Variants in LARP4 observed in about 807,000 individuals in gnomAD.
LARP4 encodes the protein la-related protein 4.
LARP4 carries 29 observed loss-of-function variants against 92.9 expected under a neutral mutation model. The observed-to-expected ratio is 0.31, with a 90% CI of 0.23 to 0.43. LARP4 has a LOEUF of 0.43. Among genes scored for constraint, LARP4 ranks in the 20% least tolerant of loss-of-function variants. The probability of loss-of-function intolerance (pLI) is 1.00; values close to 1 mark genes in which losing one functional copy is unlikely to be tolerated. For synonymous variants in LARP4, 279 were observed against 284.1 expected, an observed-to-expected ratio of 0.98 and a Z score of 0.18; for missense variants, 732 against 860.0, an observed-to-expected ratio of 0.85 and a Z score of 1.86.
intron 13 of LARP4, among the ~76,000 whole-genome samples, chr12:50,470,279 A>C (rs1371870890): frequency 6.6e-6 from 1 of 151,652 alleles, no homozygotes; most frequent in Non-Finnish European, 1.5e-5. Context: ...CAGTATTTTT[A>C]TTTTCTTCTC....
rs761350873 is a variant in LARP4, at chr12:50,440,509, A to G, written c.710A>G (p.Asn237Ser). ...VISCEFAHNS[N>S]WYITFQSDTD... The stretch of plus-strand genomic sequence containing the variant: ...AGCTGTGAGTTTGCACACAATAGCA[A>G]CTGGTATATCACTTTCCAGTCAGAC... The change falls in exon 7 of 16, where the codon AAC becomes AGC. Residue 237 changes from asparagine (N) to serine (S), a missense_variant. Around this residue, in one of 7 missense-constraint regions of LARP4, gnomAD observed 236 missense variants for 307.6 expected, o/e 0.77. Transcript: ENST00000398473. The G allele has an allele frequency of 5.0e-6, 8 of 1,613,918 alleles. No homozygotes were observed. In the South Asian group the frequency reaches 8.8e-5, roughly 18 times the overall value.
chr12:50,418,163 A>G (rs1270382987), intron 1 of LARP4, among the ~76,000 whole-genome samples: 1 of 151,372 alleles, frequency 6.6e-6, no homozygotes, highest in Non-Finnish European at 1.5e-5. Flanking sequence ...GCCTGGCCCA[A>G]TTTTTGTGTT....
Position 50,462,563 on chromosome 12 carries a change from A to AC in LARP4, c.1335-17dup. ...TGTCCCTCCACCCCACCCCACCCCC[A>AC]CCTTTTTCTTATTAAAAGGAGAACT... is the stretch of plus-strand genomic sequence containing the variant. On this transcript the variant is annotated intron_variant, in intron 11 of 15. Transcript: ENST00000398473. The AC allele has an allele frequency of 6.4e-5, 28 of 434,826 alleles. No individual in the cohort carries two copies. The highest frequency in any genetic ancestry group is 1.0e-4 in the East Asian group (2 of 19,070). The allele number at this position is 434,826 out of a possible 1,614,324, so 26.9% of individuals were successfully genotyped here.
chr12:50,428,902 C>T (rs756104218), intron 2 of LARP4, 33 bp from the exon 3 acceptor site: 1 of 1,501,618 alleles, frequency 6.7e-7, no homozygotes, highest in East Asian at 2.4e-5. Flanking sequence ...TTAAATAATT[C>T]CCATTTACTT....
At chr12:50,433,317 T>C (rs1308716782) in intron 4 of LARP4, among the ~76,000 whole-genome samples, 1 of 150,400 alleles carries the variant, frequency 6.6e-6, no homozygotes, top group Non-Finnish European at 1.5e-5. Flanking sequence ...TTTTAGTTGT[T>C]GCAGTGGAAG....
intron 1 of LARP4, among the ~76,000 whole-genome samples, chr12:50,409,806 TTA>T (rs1565935668): frequency 1.3e-5 from 2 of 149,944 alleles, no homozygotes; most frequent in South Asian, 2.1e-4. Flanking sequence ...ATTATTATTA[TTA>T]TTTTTTTAAG....
chr12:50,474,447 A>G (rs552715392), intron 15 of LARP4, among the ~76,000 whole-genome samples: 1 of 152,056 alleles, frequency 6.6e-6, no homozygotes, highest in African/African-American at 2.4e-5. Context: ...TCCCGGGTTC[A>G]CGCCATTCTC....
chr12:50,415,673 C>CA (rs1946635443), intron 1 of LARP4: 1 of 149,922 alleles, frequency 6.7e-6, no homozygotes, highest in Non-Finnish European at 1.5e-5. Context: ...AGTGAAAACT[C>CA]AAATTCCCAG....
At chr12:50,471,845 C>T (rs1003948437) in intron 13 of LARP4, among the ~76,000 whole-genome samples, 2 of 152,164 alleles carry the variant, frequency 1.3e-5, no homozygotes, top group Non-Finnish European at 2.9e-5. Flanking sequence ...TTTGAAGAAA[C>T]AGACTCATAT....
intron 10 of LARP4, among the ~76,000 whole-genome samples, chr12:50,458,394 T>A (rs919254185): frequency 6.6e-6 from 1 of 152,184 alleles, no homozygotes; most frequent in Non-Finnish European, 1.5e-5. Context: ...CCTCCCAAAG[T>A]GCTGGGATTA....
At chr12:50,417,963 C>T (rs1054812780) in intron 1 of LARP4, among the ~76,000 whole-genome samples, 1 of 152,188 alleles carries the variant, frequency 6.6e-6, no homozygotes, top group African/African-American at 2.4e-5. Context: ...TGGATTCAAG[C>T]GATTCGCCTG....
intron 6 of LARP4, among the ~76,000 whole-genome samples, chr12:50,439,398 T>A (rs568897500): frequency 6.6e-6 from 1 of 152,204 alleles, no homozygotes; most frequent in Non-Finnish European, 1.5e-5. Context: ...TGTTAAGAAA[T>A]TTTTCCTCAA....
At chr12:50,464,567 A>G (rs910914559) in intron 12 of LARP4, among the ~76,000 whole-genome samples, 1 of 151,516 alleles carries the variant, frequency 6.6e-6, no homozygotes, top group Non-Finnish European at 1.5e-5. Context: ...AATTTTTTGT[A>G]TTTTTAGTAG....
chr12:50,466,725 G>GCAAAGTTTA (rs1956200004), intron 12 of LARP4, among the ~76,000 whole-genome samples: 1 of 152,128 alleles, frequency 6.6e-6, no homozygotes. Context: ...AAGGAGTATG[G>GCAAAGTTTA]CAAAGTTTAC....
At chr12:50,423,962 G>T (rs1456043538) in intron 1 of LARP4, among the ~76,000 whole-genome samples, 2 of 152,070 alleles carry the variant, frequency 1.3e-5, no homozygotes, top group Non-Finnish European at 2.9e-5. Context: ...CACCATGTTG[G>T]CCAGGCTCAT....
intron 1 of LARP4, among the ~76,000 whole-genome samples, chr12:50,421,843 A>C (rs1374173361): frequency 1.3e-5 from 2 of 152,118 alleles, no homozygotes; most frequent in African/African-American, 4.8e-5. Flanking sequence ...TTCTGGAGTC[A>C]GGCTGCCTTG....
intron 1 of LARP4, among the ~76,000 whole-genome samples, chr12:50,410,330 C>T (rs2136372402): frequency 6.6e-6 from 1 of 151,984 alleles, no homozygotes; most frequent in Admixed American, 6.6e-5. Flanking sequence ...ATCTTGGCCT[C>T]CCAAAGTGCT....
intron 1 of LARP4, 123 bp downstream of exon 1, chr12:50,401,151 C>A: frequency 1.8e-6 from 2 of 1,104,818 alleles, no homozygotes; most frequent in Non-Finnish European, 2.8e-6. Context: ...GATAGGCTGA[C>A]ACAGCACCTG....
intron 12 of LARP4, 42 bp downstream of exon 12, chr12:50,462,672 G>A: frequency 7.8e-7 from 1 of 1,286,762 alleles, no homozygotes; most frequent in Non-Finnish European, 1.1e-6. Context: ...TTTCTCTTCT[G>A]TGATTTACTA....
Sources: allele counts gnomAD v4.1 joint callset (sites outside exome capture counted in the v4.1 genomes callset), GRCh38; gene constraint gnomAD v4.1.1; regional missense constraint gnomAD v4.1.1; transcripts MANE v1.5; gene names NCBI Gene and HGNC (gene_info 2026-07-23, HGNC 2026-07-21).